The following MILR1 variants were observed in gnomAD, a reference collection of about 807,000 sequenced individuals.
The protein encoded by MILR1 is allergin-1.
In MILR1, 31 loss-of-function variants were observed where a neutral mutation model predicts 18.5. The observed-to-expected ratio is 1.68, with a 90% CI of 1.26 to 2.26. MILR1 has a LOEUF of 2.26. MILR1 is among the 30% of genes most tolerant of loss of function. The pLI is 0.00. For synonymous variants in MILR1, 85 were observed against 56.2 expected (o/e 1.51, Z -2.30); for missense variants, 257 against 157.4 (o/e 1.63, Z -3.38).
At chr17:64,478,843 G>C in the MILR1 span, among the ~76,000 whole-genome samples, 1 of 152,056 alleles carries the variant, frequency 6.6e-6, no homozygotes, top group Admixed American at 6.6e-5. Flanking sequence ...GTTGCACTAA[G>C]CCGAGATCAC....
At chr17:64,476,845 T>TAA in the MILR1 span, among the ~76,000 whole-genome samples, 4 of 138,594 alleles carry the variant, frequency 2.9e-5, no homozygotes, top group South Asian at 2.3e-4. Context: ...AAAATTAAAA[T>TAA]AAAAAAAAAA....
In MILR1 at chr17:64,467,610, A is replaced by G; in HGVS notation, c.1025A>G (p.Asn342Ser). The change falls in exon 9 of 10, where the codon AAC (asparagine) becomes AGC (serine). Residue 342 changes from asparagine (N) to serine (S), a missense_variant. Transcript: ENST00000619286. ...YKSGYVYSEL[N>S]F ...TCTGGATATGTCTATTCTGAACTCAACTTCTGAAATTTACAGAAACAAACT... is the reference window on the plus strand; with the variant it reads ...TCTGGATATGTCTATTCTGAACTCAGCTTCTGAAATTTACAGAAACAAACT... 1.9e-6 allele frequency: 3 copies of G among 1,564,560 alleles called. No individual in the cohort carries two copies. Among genetic ancestry groups the G allele is most frequent in the Non-Finnish European group, 2.6e-6 (3 of 1,146,990 alleles).
At chr17:64,454,775 C>T (rs1235015727) in intron 3 of MILR1, among the ~76,000 whole-genome samples, 1 of 152,146 alleles carries the variant, frequency 6.6e-6, no homozygotes, top group Non-Finnish European at 1.5e-5. Flanking sequence ...GGGAGGATCA[C>T]CTGAGCCCAG....
chr17:64,468,293 C>G lies in MILR1; in HGVS notation c.*29-17C>G. On this transcript the variant is annotated splice_polypyrimidine_tract_variant and intron_variant, in intron 9 of 9. Coordinates refer to ENST00000619286, the MANE Select transcript of MILR1 (RefSeq NM_001085423.2). ...GCCTTTTATATTCTCTCTTGTCTCT[C>G]TCTTTTTTTTTTTGAGATGGAGTCT... 2.2e-6 allele frequency: 1 copy of G among 454,306 alleles called. No individual in the cohort carries two copies. Among genetic ancestry groups the G allele is most frequent in the South Asian group, 1.6e-5 (1 of 64,350 alleles). 28.1% of individuals were successfully genotyped at this position (454,306 alleles called of 1,614,324 possible). A position where few individuals can be genotyped will look rare whatever the true frequency, so the allele number is the denominator to read the frequency against.
chr17:64,474,323 C>A, the MILR1 span, among the ~76,000 whole-genome samples: 1 of 152,174 alleles, frequency 6.6e-6, no homozygotes, highest in Non-Finnish European at 1.5e-5. Context: ...GATCCACCCA[C>A]CTCAGTCTCC....
At chr17:64,450,627 G>A (rs958412449) in intron 2 of MILR1, among the ~76,000 whole-genome samples, 5 of 152,042 alleles carry the variant, frequency 3.3e-5, no homozygotes, top group East Asian at 1.9e-4. Flanking sequence ...TTACAGGCAC[G>A]TGCCACCATG....
the MILR1 span, among the ~76,000 whole-genome samples, chr17:64,488,552 A>T: frequency 1.3e-5 from 2 of 152,186 alleles, no homozygotes; most frequent in Non-Finnish European, 2.9e-5. Flanking sequence ...CAAAAGAAAA[A>T]AAAGAACAAA....
At chr17:64,489,570 G>A in the MILR1 span, among the ~76,000 whole-genome samples, 10 of 151,676 alleles carry the variant, frequency 6.6e-5, no homozygotes, top group Non-Finnish European at 1.3e-4. Flanking sequence ...AGACCAGCCC[G>A]GGCAACAAAG....
chr17:64,453,330 A>G (rs1200627051), intron 3 of MILR1, among the ~76,000 whole-genome samples: 1 of 152,014 alleles, frequency 6.6e-6, no homozygotes, highest in African/African-American at 2.4e-5. Flanking sequence ...CAGCCTCCCA[A>G]AATGCTGGGA....
At chr17:64,496,918 C>G in the MILR1 span, 1 of 1,612,212 alleles carries the variant, frequency 6.2e-7, no homozygotes, top group Non-Finnish European at 8.5e-7. Context: ...ACCCAGACAA[C>G]AGGCACCTGC....
rs1410602878 is a variant in MILR1 at position 64,468,592 on chromosome 17, A to G, written c.*311A>G. The G allele has an allele frequency of 8.7e-7, 1 of 1,149,110 alleles. No individual in the cohort carries two copies. Among genetic ancestry groups the G allele is most frequent in the African/African-American group, 1.6e-5 (1 of 60,616 alleles). 71.2% of individuals were successfully genotyped at this position (1,149,110 alleles called of 1,614,324 possible). On this transcript the variant is annotated 3_prime_UTR_variant, in exon 10 of 10. Coordinates refer to ENST00000619286, the MANE Select transcript of MILR1 (RefSeq NM_001085423.2). ...GCCTGAGCCACCGTGCCCGGCCCTG[A>G]ATCGCTTTAGTAAATAAAGGGTCTC...
At chr17:64,496,618 C>A in the MILR1 span, 1 of 1,614,000 alleles carries the variant, frequency 6.2e-7, no homozygotes, top group South Asian at 1.1e-5. Flanking sequence ...ACACCACCAC[C>A]GAGGTCCACC....
chr17:64,496,880 G>A, the MILR1 span: 3 of 1,613,366 alleles, frequency 1.9e-6, no homozygotes, highest in Non-Finnish European at 1.7e-6. Context: ...CAACAGCTCC[G>A]GCTGCCCCGC....
At chr17:64,461,004 A>G (rs965041419) in intron 5 of MILR1, 72 bp downstream of exon 5, 13 of 462,520 alleles carry the variant, frequency 2.8e-5, no homozygotes, top group South Asian at 7.1e-5. Flanking sequence ...ACAGAGGGTG[A>G]GGAGAAAGAG....
chr17:64,458,369 C>A (rs1236710779), intron 4 of MILR1, among the ~76,000 whole-genome samples: 20 of 151,890 alleles, frequency 1.3e-4, no homozygotes, highest in Non-Finnish European at 2.1e-4. Context: ...CCCGCCACCA[C>A]GCTTGGCTAA....
the MILR1 span, chr17:64,485,753 G>A: frequency 4.3e-6 from 7 of 1,612,982 alleles, no homozygotes; most frequent in Non-Finnish European, 5.9e-6. Flanking sequence ...TTTCTTTCTT[G>A]TAAAGGAGTT....
intron 9 of MILR1, chr17:64,467,948 A>G: frequency 3.7e-6 from 1 of 269,596 alleles, no homozygotes; most frequent in Non-Finnish European, 7.2e-6. Flanking sequence ...AAAAAAAAAA[A>G]AAAAAAAAAA....
chr17:64,472,465 CAAAAAAAAAAAAA>C (rs71158332), downstream of MILR1, among the ~76,000 whole-genome samples: 67 of 13,922 alleles, frequency 4.8e-3, no homozygotes, highest in East Asian at 0.018. Context: ...GACTCCATCT[CAAAAAAAAAAAAA>C]AAAAAAAAAA....
At chr17:64,459,976 TTTTTATTTTA>T (rs1176626341) in intron 4 of MILR1, among the ~76,000 whole-genome samples, 2 of 71,790 alleles carry the variant, frequency 2.8e-5, no homozygotes, top group African/African-American at 6.3e-5. Context: ...AACTTTATTA[TTTTTATTTTA>T]TTTTATTTTA....
Sources: allele counts gnomAD v4.1 joint callset (sites outside exome capture counted in the v4.1 genomes callset), GRCh38; gene constraint gnomAD v4.1.1; transcripts MANE v1.5; gene names NCBI Gene and HGNC (gene_info 2026-07-23, HGNC 2026-07-21).